The following KCTD15 variants were observed in gnomAD, a reference collection of about 807,000 sequenced individuals.
KCTD15 encodes BTB/POZ domain-containing protein KCTD15.
KCTD15 carries 11 observed loss-of-function variants against 27.2 expected under a neutral mutation model. That is an observed-to-expected ratio of 0.41 (90% CI 0.25 to 0.67). The LOEUF (loss-of-function observed/expected upper bound fraction) is 0.67. Among genes scored for constraint, KCTD15 ranks in the 30% least tolerant of loss-of-function variants. The pLI is 0.35. For synonymous variants in KCTD15, 163 were observed against 176.0 expected (o/e 0.93, Z 0.58); for missense variants, 350 against 409.3 (o/e 0.86, Z 1.25).
chr19:33,798,095 G>T (rs956321265), intron 1 of KCTD15, among the ~76,000 whole-genome samples: 7 of 151,946 alleles, frequency 4.6e-5, no homozygotes, highest in African/African-American at 7.3e-5. Context: ...CGGGAGGGGG[G>T]GGGTGGGGAG....
chr19:33,814,856 G>A lies in KCTD15; in HGVS notation c.*1908G>A, dbSNP rs56214819. 11,179 of 152,314 alleles carry A rather than the reference G, an allele frequency of 0.073. 549 individuals are homozygous for A. Among genetic ancestry groups the A allele is most frequent in the Middle Eastern group, 0.16 (48 of 298 alleles). The allele number at this position is 152,314 out of a possible 1,614,324, so 9.4% of individuals were successfully genotyped here. A position where few individuals can be genotyped will look rare whatever the true frequency, so the allele number is the denominator to read the frequency against. On this transcript the variant is annotated 3_prime_UTR_variant, in exon 7 of 7. Coordinates refer to ENST00000683859, the MANE Select transcript of KCTD15 (RefSeq NM_001129994.2). ...GCCACCAGCTTCGACCTGCCTCAGGGGACAGCAGCACAGACCAGTGGCTCC... is the reference window on the plus strand; with the variant it reads ...GCCACCAGCTTCGACCTGCCTCAGGAGACAGCAGCACAGACCAGTGGCTCC...
At chr19:33,797,504 AGGAGG>A in intron 1 of KCTD15, 1 of 394,074 alleles carries the variant, frequency 2.5e-6, no homozygotes, top group Non-Finnish European at 5.3e-6. Context: ...GAAACCTGGC[AGGAGG>A]GGCTGTCGCG....
chr19:33,797,268 G>A (rs1190649523), intron 1 of KCTD15: 1 of 305,870 alleles, frequency 3.3e-6, no homozygotes, highest in Admixed American at 4.3e-5. Context: ...GTGTGTGTGT[G>A]TGTGTGTGTG....
intron 5 of KCTD15, among the ~76,000 whole-genome samples, chr19:33,808,715 GA>G (rs1249835580): frequency 1.3e-5 from 2 of 151,602 alleles, no homozygotes; most frequent in African/African-American, 2.4e-5. Context: ...AGAAGGCAGA[GA>G]GGGGTGGGGG....
chr19:33,814,811 A>G lies in KCTD15; in HGVS notation c.*1863A>G, dbSNP rs1447726702. The G allele has an allele frequency of 6.6e-6, 1 of 152,226 alleles. No homozygotes were observed. Among genetic ancestry groups the G allele is most frequent in the Non-Finnish European group, 1.5e-5 (1 of 68,068 alleles). The allele number at this position is 152,226 out of a possible 1,614,324, so 9.4% of individuals were successfully genotyped here. On this transcript the variant is annotated 3_prime_UTR_variant, in exon 7 of 7. Coordinates refer to ENST00000683859, the MANE Select transcript of KCTD15 (RefSeq NM_001129994.2). ...CCTTATGTTCTAACCCATGAGAACC[A>G]TTTTACCTGCCCTCTAAGGGCCACC...
Position 33,812,978 on chromosome 19 carries a change from C to A in KCTD15, c.*30C>A. The A allele has an allele frequency of 2.0e-6, 3 of 1,523,242 alleles. No homozygotes were observed. Among genetic ancestry groups the A allele is most frequent in the Non-Finnish European group, 2.6e-6 (3 of 1,135,626 alleles). 94.4% of individuals were successfully genotyped at this position (1,523,242 alleles called of 1,614,324 possible). On this transcript the variant is annotated 3_prime_UTR_variant, in exon 7 of 7. Transcript: ENST00000683859. The stretch of plus-strand genomic sequence containing the variant: ...TGCTTCAGTGCCCACCTGGGCCCCC[C>A]CAGGGACCTGGAAACAGTGCTGGGG...
At chr19:33,796,101 A>ATT (rs1207433050), upstream of KCTD15, 3 of 151,574 alleles carry the variant, frequency 2.0e-5, no homozygotes, top group Non-Finnish European at 4.4e-5. Flanking sequence ...GGAGTCAAGA[A>ATT]ATGTGAGAAA....
rs370436591 is a variant in KCTD15, at chr19:33,801,433, TCA to T, written c.242+93_242+94del. 1.3e-5 allele frequency: 15 copies of T among 1,144,856 alleles called. No homozygotes were observed. The African/African-American group carries it at 2.3e-4, about 18-fold the overall frequency. 70.9% of individuals were successfully genotyped at this position (1,144,856 alleles called of 1,614,324 possible). On this transcript the variant is annotated intron_variant, in intron 4 of 6. Transcript: ENST00000683859. Reference sequence around the variant, plus strand: ...TAGGGGGTGGGGTCTCTCCCCACTGTCACTCCACCCACCAGGGTCTCCAGGGT... The same window carrying T: ...TAGGGGGTGGGGTCTCTCCCCACTGTCTCCACCCACCAGGGTCTCCAGGGT...
chr19:33,811,764 T>G (rs1475924832), intron 6 of KCTD15: 1 of 1,590,154 alleles, frequency 6.3e-7, no homozygotes, highest in Non-Finnish European at 8.6e-7. Flanking sequence ...AAAATCGATC[T>G]GTACTTTTTT....
chr19:33,798,092 G>A (rs184576069), intron 1 of KCTD15, among the ~76,000 whole-genome samples: 4 of 152,028 alleles, frequency 2.6e-5, no homozygotes, highest in South Asian at 2.1e-4. Flanking sequence ...AGGCGGGAGG[G>A]GGGGGGTGGG....
intron 6 of KCTD15, chr19:33,811,768 CTT>C (rs3215257): frequency 1.4e-3 from 1,952 of 1,402,138 alleles, no homozygotes; most frequent in Admixed American, 2.4e-3. Flanking sequence ...TCGATCTGTA[CTT>C]TTTTTTTTTT....
intron 4 of KCTD15, among the ~76,000 whole-genome samples, chr19:33,802,596 G>C (rs983255226): frequency 6.6e-6 from 1 of 152,138 alleles, no homozygotes; most frequent in Admixed American, 6.5e-5. Flanking sequence ...ACTCAGCCTG[G>C]GGCCCTGTGG....
At position 33,800,440 on chromosome 19, in the gene KCTD15, G is replaced by T; in HGVS notation, c.-15G>T. The T allele has an allele frequency of 6.2e-7, 1 of 1,600,316 alleles. No individual in the cohort carries two copies. The highest frequency in any genetic ancestry group is 1.3e-5 in the African/African-American group (1 of 74,980). Reference sequence around the variant, plus strand: ...ATGCCTCCCGCAGATACTCTGGGCAGGGATGGAAGCCTAGATGCCTCACCG... The same window carrying T: ...ATGCCTCCCGCAGATACTCTGGGCATGGATGGAAGCCTAGATGCCTCACCG... On this transcript the variant is annotated 5_prime_UTR_variant, in exon 3 of 7. It adds an upstream start codon to the 5' untranslated region. Coordinates refer to ENST00000683859, the MANE Select transcript of KCTD15 (RefSeq NM_001129994.2).
Position 33,814,537 on chromosome 19 carries a change from G to A in KCTD15, c.*1589G>A, listed in dbSNP as rs1568386158. ...AGGCGTCTGGGTGCTTTTGAACCCT[G>A]TCTCAAATGTTTGGGATTTTCTCTC... On this transcript the variant is annotated 3_prime_UTR_variant, in exon 7 of 7. Coordinates refer to ENST00000683859, the MANE Select transcript of KCTD15 (RefSeq NM_001129994.2). 1 of 152,210 alleles carries A rather than the reference G, an allele frequency of 6.6e-6. No homozygotes were observed. Among genetic ancestry groups the A allele is most frequent in the Non-Finnish European group, 1.5e-5 (1 of 68,056 alleles). 9.4% of individuals were successfully genotyped at this position (152,210 alleles called of 1,614,324 possible).
Position 33,801,318 on chromosome 19 carries a change from C to T in KCTD15, c.218C>T (p.Thr73Met). The T allele has an allele frequency of 6.2e-7, 1 of 1,611,410 alleles. No homozygotes were observed. The highest frequency in any genetic ancestry group is 8.5e-7 in the Non-Finnish European group (1 of 1,178,776). The part of the protein sequence containing the change: ...GGHMYTSSLA[T>M]LTKYPDSRIS... ...CACATGTACACCAGCAGCCTGGCCA[C>T]GCTCACCAAGTACCCTGACTCCAGG... The change falls in exon 4 of 7, where the codon ACG becomes ATG. Residue 73 changes from threonine (T) to methionine (M), a missense_variant. Physicochemically the swap from Thr to Met is moderately conservative, Grantham distance 81. Around this residue, in one of 3 missense-constraint regions of KCTD15, gnomAD observed 54 missense variants for 101.8 expected, o/e 0.53. Transcript: ENST00000683859.
Position 33,813,571 on chromosome 19 carries a change from A to T in KCTD15, c.*623A>T. ...TGTGCTGCAGGGCTGCTGGGAGGAG[A>T]GTGGTGGGGGCCTGAGGGCTGAGTG... On this transcript the variant is annotated 3_prime_UTR_variant, in exon 7 of 7. Transcript: ENST00000683859. The T allele has an allele frequency of 2.8e-6, 1 of 357,356 alleles. No homozygotes were observed. The highest frequency in any genetic ancestry group is 2.1e-5 in the South Asian group (1 of 48,118). 22.1% of individuals were successfully genotyped at this position (357,356 alleles called of 1,614,324 possible).
At chr19:33,800,291 A>C in intron 2 of KCTD15, 137 bp from the exon 3 acceptor site, 1 of 670,162 alleles carries the variant, frequency 1.5e-6, no homozygotes, top group South Asian at 1.8e-5. Context: ...GTGGCGGTGG[A>C]GTCAATCAGG....
In KCTD15 at chr19:33,797,743, C is replaced by A. The variant is rs537095327; in HGVS notation, c.-127+756C>A. 8.5e-5 allele frequency among the ~76,000 whole-genome samples: 13 copies of A among 152,344 alleles called. No homozygotes were observed. In the South Asian group the frequency reaches 2.1e-3, roughly 24 times the overall value. On this transcript the variant is annotated intron_variant, in intron 1 of 6. Coordinates refer to ENST00000683859, the MANE Select transcript of KCTD15 (RefSeq NM_001129994.2). ...CCCGCGACTGCAGAAAGATAAGCTT[C>A]AAGTTTTCGCTCCGTATCTCAAATG...
At chr19:33,811,181 C>CCCAACCCCCA in intron 5 of KCTD15, 66 bp from the exon 6 acceptor site, 3 of 900,680 alleles carry the variant, frequency 3.3e-6, no homozygotes, top group Non-Finnish European at 3.2e-6. Context: ...GCCGCCTCCC[C>CCCAACCCCCA]TCTCCCCCTT....
Sources: gnomAD v4.1 joint callset for allele counts (sites outside exome capture counted in the v4.1 genomes callset) on GRCh38, gnomAD v4.1.1 for gene constraint, gnomAD v4.1.1 regional missense constraint, MANE v1.5 for transcripts, NCBI Gene and HGNC (gene_info 2026-07-23, HGNC 2026-07-21) for gene names.